Variants in ATPSCKMT observed in about 807,000 individuals in gnomAD.
ATPSCKMT encodes the protein ATP synthase c subunit lysine N-methyltransferase.
ATPSCKMT carries 24 observed loss-of-function variants against 24.3 expected under a neutral mutation model. That is an observed-to-expected ratio of 0.99 (90% CI 0.71 to 1.39). ATPSCKMT has a LOEUF of 1.39. Ranked by LOEUF, ATPSCKMT falls within the 40% of genes most tolerant of loss-of-function variation. The probability of loss-of-function intolerance (pLI) is 0.00; values close to 1 mark genes in which losing one functional copy is unlikely to be tolerated. For missense variants in ATPSCKMT, 311 were observed against 298.4 expected (o/e 1.04, Z -0.31); for synonymous variants, 95 against 110.5 (o/e 0.86, Z 0.88).
intron 2 of ATPSCKMT, among the ~76,000 whole-genome samples, chr5:10,237,323 C>G (rs574051799): frequency 1.8e-4 from 27 of 152,296 alleles, no homozygotes; most frequent in African/African-American, 6.5e-4. Flanking sequence ...TTCTCAGAAA[C>G]CACAGATACT....
At chr5:10,232,811 G>A (rs1045176999) in intron 4 of ATPSCKMT, among the ~76,000 whole-genome samples, 10 of 152,236 alleles carry the variant, frequency 6.6e-5, no homozygotes, top group African/African-American at 2.4e-4. Context: ...GCCACAGTGA[G>A]TATTTGGGCC....
At chr5:10,229,006 G>A (rs1744007580) in intron 4 of ATPSCKMT, among the ~76,000 whole-genome samples, 2 of 152,018 alleles carry the variant, frequency 1.3e-5, no homozygotes, top group African/African-American at 4.8e-5. Context: ...CTAAACCATT[G>A]CAGAAAAGGT....
chr5:10,249,525 G>T, intron 1 of ATPSCKMT: 1 of 347,666 alleles, frequency 2.9e-6, no homozygotes. Context: ...CAAAGCCACA[G>T]CTAGGAAGAG....
chr5:10,234,188 C>A (rs575272975), intron 4 of ATPSCKMT, among the ~76,000 whole-genome samples: 1 of 152,000 alleles, frequency 6.6e-6, no homozygotes, highest in Non-Finnish European at 1.5e-5. Context: ...ATTAGCTGGG[C>A]GTGGTGGCAG....
At chr5:10,244,743 C>A (rs1053836992) in intron 1 of ATPSCKMT, among the ~76,000 whole-genome samples, 1 of 151,930 alleles carries the variant, frequency 6.6e-6, no homozygotes, top group South Asian at 2.1e-4. Flanking sequence ...AAGACCCCAT[C>A]TCTACAAAAA....
At chr5:10,229,328 G>A (rs1367886919) in intron 4 of ATPSCKMT, among the ~76,000 whole-genome samples, 2 of 152,144 alleles carry the variant, frequency 1.3e-5, no homozygotes, top group African/African-American at 2.4e-5. Flanking sequence ...TTATCGGACC[G>A]AGTGGCCCTG....
At chr5:10,227,704 A>C in intron 4 of ATPSCKMT, 57 bp from the exon 5 acceptor site, 1 of 1,506,242 alleles carries the variant, frequency 6.6e-7, no homozygotes, top group Non-Finnish European at 9.0e-7. Flanking sequence ...AAATGATCCC[A>C]AAATTTCCTG....
chr5:10,237,031 TA>T, intron 2 of ATPSCKMT: 2 of 1,292,884 alleles, frequency 1.5e-6, no homozygotes, highest in Non-Finnish European at 2.0e-6. Context: ...TAATATGCAA[TA>T]AAAATAACCT....
intron 3 of ATPSCKMT, 66 bp downstream of exon 3, chr5:10,236,412 C>A: frequency 1.3e-6 from 2 of 1,540,102 alleles, no homozygotes; most frequent in South Asian, 2.4e-5. Flanking sequence ...AGTTCTCAGT[C>A]ATACTAATTT....
intron 1 of ATPSCKMT, among the ~76,000 whole-genome samples, chr5:10,246,682 C>A (rs1480080634): frequency 6.6e-6 from 1 of 152,176 alleles, no homozygotes; most frequent in Non-Finnish European, 1.5e-5. Flanking sequence ...TAAACAAACA[C>A]AAGTCAGATG....
At position 10,239,292 on chromosome 5, in the gene ATPSCKMT, T is replaced by C; in HGVS notation, c.81A>G (p.Glu27=). The change falls in exon 2 of 5, where the codon GAA becomes GAG. Residue 27 remains glutamate (E), a synonymous_variant. Transcript: ENST00000511437. The stretch of plus-strand genomic sequence containing the variant: ...AGTTGCTTTTCTGCAAACTGTTGAC[T>C]TCAAAACTTGCAGGTAGAACATGTC... The part of the protein sequence containing the change: ...QSRHVLPASF[E]VNSLQKSNWG... The C allele has an allele frequency of 6.2e-7, 1 of 1,614,216 alleles. No individual in the cohort carries two copies. Among genetic ancestry groups the C allele is most frequent in the South Asian group, 1.1e-5 (1 of 91,088 alleles).
chr5:10,235,300 A>G lies in ATPSCKMT; in HGVS notation c.445-39T>C, dbSNP rs78760265. ...GAAAATAATCAGTAGATTAAGTGCA[A>G]AAAGCCAAACGTGAAGCTTAACTTG... is the stretch of plus-strand genomic sequence containing the variant. On this transcript the variant is annotated intron_variant, in intron 3 of 4. Transcript: ENST00000511437. The G allele has an allele frequency of 1.5e-3, 2,293 of 1,571,532 alleles. 48 individuals are homozygous for G. In the East Asian group the frequency reaches 0.039, roughly 27 times the overall value.
rs111295107 is a variant in ATPSCKMT, at chr5:10,241,067, T to C, written c.17-1711A>G. 1.6e-3 allele frequency among the ~76,000 whole-genome samples: 238 copies of C among 152,048 alleles called. 4 individuals carry two copies. In the East Asian group the frequency reaches 0.03, roughly 19 times the overall value. On this transcript the variant is annotated intron_variant, in intron 1 of 4. Transcript: ENST00000511437. ...GTTCTGGAGGTCAGTCTGAAATGAA[T>C]TGGCAGGCCTGCGTTCCTTCTGGGG...
intron 1 of ATPSCKMT, among the ~76,000 whole-genome samples, chr5:10,246,457 GA>G (rs57613113): frequency 6.0e-4 from 90 of 148,778 alleles, no homozygotes; most frequent in African/African-American, 2.0e-3. Flanking sequence ...AAAAAAGAAA[GA>G]AAAAAAAAAA....
chr5:10,249,818 C>T (rs10214325), intron 1 of ATPSCKMT, 40 bp downstream of exon 1: 26 of 1,479,416 alleles, frequency 1.8e-5, no homozygotes, highest in Non-Finnish European at 1.8e-5. Flanking sequence ...CGCACCCCTT[C>T]TCATGCCCCC....
At chr5:10,236,740 C>G (rs1388501568) in intron 2 of ATPSCKMT, 125 bp from the exon 3 acceptor site, 2 of 1,473,532 alleles carry the variant, frequency 1.4e-6, no homozygotes, top group Admixed American at 4.7e-5. Context: ...GTGACTAAGA[C>G]ATCATTTTAA....
At chr5:10,248,205 G>C (rs1219233854) in intron 1 of ATPSCKMT, 1 of 140,236 alleles carries the variant, frequency 7.1e-6, no homozygotes, top group African/African-American at 2.5e-5. Context: ...ATATTCTTAT[G>C]TCCTTAAGAA....
Position 10,239,313 on chromosome 5 carries a change from A to G in ATPSCKMT, c.60T>C (p.His20=). 1 of 1,614,188 alleles carries G rather than the reference A, an allele frequency of 6.2e-7. No individual in the cohort carries two copies. Among genetic ancestry groups the G allele is most frequent in the Non-Finnish European group, 8.5e-7 (1 of 1,180,034 alleles). ...ETLKEESQSR[H]VLPASFEVNS... is the part of the protein sequence containing the mutation. ...TGACTTCAAAACTTGCAGGTAGAAC[A>G]TGTCTTGACTGACTTTCTTCTTTAA... is the stretch of plus-strand genomic sequence containing the variant. The change falls in exon 2 of 5, where the codon CAT becomes CAC. Residue 20 remains histidine, a synonymous_variant. Coordinates refer to ENST00000511437, the MANE Select transcript of ATPSCKMT (RefSeq NM_199133.4).
intron 4 of ATPSCKMT, 26 bp downstream of exon 4, chr5:10,235,185 C>A (rs368952923): frequency 6.2e-7 from 1 of 1,612,600 alleles, no homozygotes; most frequent in South Asian, 1.1e-5. Context: ...TAACCCCAAA[C>A]AGAGAGCAGG....
Sources: gnomAD v4.1 joint callset for allele counts (sites outside exome capture counted in the v4.1 genomes callset) on GRCh38, gnomAD v4.1.1 for gene constraint, MANE v1.5 for transcripts, NCBI Gene and HGNC (gene_info 2026-07-23, HGNC 2026-07-21) for gene names.